Variants in TTC7A observed in about 807,000 individuals in gnomAD.
TTC7A encodes the protein tetratricopeptide repeat protein 7A.
Under a neutral mutation model 103.7 loss-of-function variants are expected in TTC7A, and 110 were observed. The observed-to-expected ratio is 1.06, with a 90% CI of 0.91 to 1.24. TTC7A has a LOEUF of 1.24. Ranked by LOEUF, TTC7A falls within the 50% of genes most tolerant of loss-of-function variation. TTC7A has a pLI of 0.00. For missense variants in TTC7A, 1,340 were observed against 1,116.3 expected (o/e 1.20, Z -2.86); for synonymous variants, 521 against 467.9 (o/e 1.11, Z -1.47).
upstream of TTC7A, among the ~76,000 whole-genome samples, chr2:46,936,521 G>C (rs1669986700): frequency 6.6e-6 from 1 of 152,116 alleles, no homozygotes; most frequent in Middle Eastern, 3.2e-3. Flanking sequence ...TATGAGGCTG[G>C]GGGGTCCTGA....
chr2:46,986,465 C>T (rs972675840), intron 5 of TTC7A, among the ~76,000 whole-genome samples: 56 of 152,036 alleles, frequency 3.7e-4, no homozygotes, highest in African/African-American at 1.3e-3. Context: ...AGTGACCGTC[C>T]CAGAGGGGAG....
intron 2 of TTC7A, among the ~76,000 whole-genome samples, chr2:46,933,615 G>T (rs1284384976): frequency 6.6e-6 from 1 of 152,170 alleles, no homozygotes; most frequent in Non-Finnish European, 1.5e-5. Context: ...GGCAGGATGT[G>T]CTCTGAGCCA....
chr2:46,918,532 T>A (rs1284971183), intron 2 of TTC7A, among the ~76,000 whole-genome samples: 1 of 152,204 alleles, frequency 6.6e-6, no homozygotes, highest in African/African-American at 2.4e-5. Context: ...CTGAACCCAT[T>A]CCTAACAGGC....
intron 5 of TTC7A, among the ~76,000 whole-genome samples, chr2:46,985,453 G>C (rs1454504486): frequency 6.6e-6 from 1 of 152,212 alleles, no homozygotes; most frequent in Non-Finnish European, 1.5e-5. Flanking sequence ...AGCCTGTGTG[G>C]CTGGACTGTA....
chr2:46,923,766 C>T (rs1367191951), intron 2 of TTC7A, among the ~76,000 whole-genome samples: 2 of 152,008 alleles, frequency 1.3e-5, no homozygotes, highest in Middle Eastern at 3.4e-3. Flanking sequence ...AAGTCTCACT[C>T]TTGTCCACCA....
At chr2:47,057,284 T>A (rs905900309) in intron 18 of TTC7A, among the ~76,000 whole-genome samples, 4 of 152,176 alleles carry the variant, frequency 2.6e-5, no homozygotes, top group African/African-American at 9.7e-5. Context: ...GCTTCCCTGC[T>A]TGGGCTCTGG....
chr2:46,970,228 G>T (rs1673237430), intron 3 of TTC7A, among the ~76,000 whole-genome samples: 1 of 152,184 alleles, frequency 6.6e-6, no homozygotes. Context: ...AGGTCAAGCA[G>T]TCGCTTGCCT....
intron 4 of TTC7A, among the ~76,000 whole-genome samples, chr2:46,977,109 C>G (rs1673956518): frequency 6.6e-6 from 1 of 152,178 alleles, no homozygotes; most frequent in Non-Finnish European, 1.5e-5. Flanking sequence ...TTTGGACTTT[C>G]AAAAGGGGAT....
At chr2:47,032,380 T>C (rs1393697352) in intron 15 of TTC7A, among the ~76,000 whole-genome samples, 11 of 152,196 alleles carry the variant, frequency 7.2e-5, no homozygotes, top group Admixed American at 7.2e-4. Context: ...TCCCCAAGGC[T>C]TGCAAGGAGC....
chr2:46,916,095 A>G (rs1460895869), upstream of TTC7A: 3 of 985,432 alleles, frequency 3.0e-6, no homozygotes, highest in East Asian at 1.1e-4. Flanking sequence ...TCCACGGGCG[A>G]CGTAGGATGG....
At chr2:46,992,312 G>A (rs949389663) in intron 5 of TTC7A, among the ~76,000 whole-genome samples, 1 of 152,228 alleles carries the variant, frequency 6.6e-6, no homozygotes, top group African/African-American at 2.4e-5. Context: ...CCTGCAGGTA[G>A]AAAATGACCT....
intron 8 of TTC7A, chr2:46,999,414 C>A: frequency 1.1e-6 from 1 of 880,924 alleles, no homozygotes; most frequent in Non-Finnish European, 1.4e-6. Flanking sequence ...ACCTACCAAC[C>A]CTGCATCTAC....
At position 46,929,348 on chromosome 2, in the gene TTC7A, G is replaced by C. The variant is rs115940436; in HGVS notation, c.82+12071G>C. Among the ~76,000 whole-genome samples the C allele has an allele frequency of 4.9e-3, 750 of 152,222 alleles. 6 individuals carry two copies. The highest frequency in any genetic ancestry group is 0.017 in the African/African-American group (718 of 41,530). On this transcript the variant is annotated intron_variant, in intron 2 of 20. Coordinates refer to the TTC7A transcript ENST00000409245. ...GGAAAAATTTAAAAACTACCTGGCT[G>C]TGGTGGTACACACCTGTAGTTCTAG... is the stretch of plus-strand genomic sequence containing the variant.
At chr2:46,972,402 T>C (rs980279656) in intron 3 of TTC7A, among the ~76,000 whole-genome samples, 1 of 152,242 alleles carries the variant, frequency 6.6e-6, no homozygotes, top group Non-Finnish European at 1.5e-5. Context: ...AAATTTGCCA[T>C]CTAAACCATT....
intron 19 of TTC7A, among the ~76,000 whole-genome samples, chr2:47,065,272 G>A (rs1041568696): frequency 8.2e-4 from 125 of 152,344 alleles, no homozygotes; most frequent in African/African-American, 2.7e-3. Flanking sequence ...GGGTGACAGA[G>A]CGAGACTCCG....
At chr2:46,916,892 C>T (rs1227706522) in intron 1 of TTC7A, among the ~76,000 whole-genome samples, 3 of 152,134 alleles carry the variant, frequency 2.0e-5, no homozygotes, top group Non-Finnish European at 4.4e-5. Flanking sequence ...CTCAGCCTCC[C>T]AAAGTGCTGG....
In TTC7A at chr2:47,055,385, C is replaced by G. The variant is rs557030611; in HGVS notation, c.2152+3505C>G. 1.6e-3 allele frequency among the ~76,000 whole-genome samples: 240 copies of G among 152,300 alleles called. 1 individual carries two copies. The highest frequency in any genetic ancestry group is 3.1e-3 in the South Asian group (15 of 4,824). ...TCCTCTCCTCCCTTCTTCAAGCCTC[C>G]TTCCAATTCCAGTCCAGTGCGAGAA... On this transcript the variant is annotated intron_variant, in intron 18 of 19. Transcript: ENST00000319190.
chr2:46,948,826 G>A (rs569169654), intron 1 of TTC7A, among the ~76,000 whole-genome samples: 13 of 152,182 alleles, frequency 8.5e-5, no homozygotes, highest in Non-Finnish European at 1.9e-4. Flanking sequence ...AGAGTGAGGA[G>A]GCAATGGCAG....
Position 47,076,018 on chromosome 2 carries a change from T to C in TTC7A, c.*2095T>C, listed in dbSNP as rs1285284820. On this transcript the variant is annotated 3_prime_UTR_variant, in exon 20 of 20. Transcript: ENST00000319190. ...GGGAGGGACCTGGGCCTTGTTCAGA[T>C]TGGCCACCTCTGCTGAGAAGTCCAT... 1.3e-5 allele frequency: 2 copies of C among 152,312 alleles called. No individual in the cohort carries two copies. The highest frequency in any genetic ancestry group is 6.5e-5 in the Admixed American group (1 of 15,290). The allele number at this position is 152,312 out of a possible 1,614,324, so 9.4% of individuals were successfully genotyped here. A position where few individuals can be genotyped will look rare whatever the true frequency, so the allele number is the denominator to read the frequency against.
Sources: gnomAD v4.1 joint callset for allele counts (sites outside exome capture counted in the v4.1 genomes callset) on GRCh38, gnomAD v4.1.1 for gene constraint, MANE v1.5 for transcripts, NCBI Gene and HGNC (gene_info 2026-07-23, HGNC 2026-07-21) for gene names.